The following LIFR variants were observed in gnomAD, a reference collection of about 807,000 sequenced individuals.
LIFR encodes the protein leukemia inhibitory factor receptor.
In LIFR, 84 loss-of-function variants were observed where a neutral mutation model predicts 122.2. The ratio of observed to expected loss-of-function variants is 0.69; its 90% CI spans 0.58 to 0.82. The LOEUF is 0.82. Ranked by LOEUF, LIFR falls within the 40% of genes least tolerant of loss-of-function variation. The pLI, the probability that LIFR is intolerant of heterozygous loss-of-function variation, is 0.00. For missense variants in LIFR, 1,294 were observed against 1,311.6 expected (o/e 0.99, Z 0.21); for synonymous variants, 422 against 434.7 (o/e 0.97, Z 0.36).
rs917826716 is a variant in LIFR at position 38,479,134 on chromosome 5, G to A, written c.*2461C>T. 2 of 194,962 alleles carry A rather than the reference G, an allele frequency of 1.0e-5. No individual in the cohort carries two copies. The highest frequency in any genetic ancestry group is 7.0e-5 in the Admixed American group (1 of 14,368). The allele number at this position is 194,962 out of a possible 1,614,324, so 12.1% of individuals were successfully genotyped here. ...TCTCCCTACACACACAGGTTGGGGGGAGTAGAGGTAATATCCTGGGATCTA... is the reference window on the plus strand; with the variant it reads ...TCTCCCTACACACACAGGTTGGGGGAAGTAGAGGTAATATCCTGGGATCTA... On this transcript the variant is annotated 3_prime_UTR_variant, in exon 20 of 20. Coordinates refer to ENST00000453190, the MANE Select transcript of LIFR (RefSeq NM_001127671.2).
intron 1 of LIFR, among the ~76,000 whole-genome samples, chr5:38,540,366 G>A (rs1409658233): frequency 6.6e-6 from 1 of 152,128 alleles, no homozygotes; most frequent in African/African-American, 2.4e-5. Context: ...CTGTTGCTGG[G>A]GGAAACACCA....
Position 38,529,299 on chromosome 5 carries a change from A to G in LIFR, c.143-459T>C, listed in dbSNP as rs142371031. Among the ~76,000 whole-genome samples the G allele has an allele frequency of 5.3e-5, 8 of 152,284 alleles. No individual in the cohort carries two copies. In the East Asian group the frequency reaches 7.7e-4, roughly 15 times the overall value. ...AAAAAACAAAAACAAAGAAGTCTTA[A>G]GTAAAAATGATGTGCCTTCCAAGTT... On this transcript the variant is annotated intron_variant, in intron 2 of 19. Transcript: ENST00000453190.
intron 9 of LIFR, among the ~76,000 whole-genome samples, chr5:38,505,442 ACAC>A (rs1341215559): frequency 3.2e-4 from 46 of 143,510 alleles, no homozygotes; most frequent in South Asian, 2.2e-4. Context: ...ACACACACAC[ACAC>A]GAGTACAAAT....
rs1743788885 is a variant in LIFR, at chr5:38,477,678, G to C, written c.*3917C>G. ...TTCCGAAGTAGATTTGAATCTTTGAGTCAATAGTCTCAGATCCACACAAGC... is the reference window on the plus strand; with the variant it reads ...TTCCGAAGTAGATTTGAATCTTTGACTCAATAGTCTCAGATCCACACAAGC... On this transcript the variant is annotated 3_prime_UTR_variant, in exon 20 of 20. Coordinates refer to ENST00000453190, the MANE Select transcript of LIFR (RefSeq NM_001127671.2). The C allele has an allele frequency of 4.6e-6, 1 of 216,856 alleles. No individual in the cohort carries two copies. The allele number at this position is 216,856 out of a possible 1,614,324, so 13.4% of individuals were successfully genotyped here.
At chr5:38,527,634 A>G (rs2112560799) in intron 3 of LIFR, among the ~76,000 whole-genome samples, 1 of 152,250 alleles carries the variant, frequency 6.6e-6, no homozygotes, top group South Asian at 2.1e-4. Flanking sequence ...GGACCAGTGC[A>G]TCACAGCGCT....
intron 1 of LIFR, among the ~76,000 whole-genome samples, chr5:38,572,284 G>T (rs1749239577): frequency 6.6e-6 from 1 of 152,192 alleles, no homozygotes; most frequent in Admixed American, 6.5e-5. Flanking sequence ...GTCTTACATG[G>T]CAGGAGCAGG....
In LIFR at chr5:38,478,672, G is replaced by C. The variant is rs1743835513; in HGVS notation, c.*2923C>G. 5.0e-6 allele frequency: 1 copy of C among 201,100 alleles called. No homozygotes were observed. Among genetic ancestry groups the C allele is most frequent in the South Asian group, 1.9e-4 (1 of 5,234 alleles). 12.5% of individuals were successfully genotyped at this position (201,100 alleles called of 1,614,324 possible). A position where few individuals can be genotyped will look rare whatever the true frequency, so the allele number is the denominator to read the frequency against. ...ATGTAGTCATAATAAGCCCCATAAT[G>C]ATCTCCATTCCTCGCAAGGGAAGCT... On this transcript the variant is annotated 3_prime_UTR_variant, in exon 20 of 20. Transcript: ENST00000453190.
At chr5:38,511,618 C>T (rs1267463200) in intron 6 of LIFR, among the ~76,000 whole-genome samples, 172 bp downstream of exon 6, 1 of 152,128 alleles carries the variant, frequency 6.6e-6, no homozygotes, top group Non-Finnish European at 1.5e-5. Context: ...TTCCTGAAGC[C>T]TATCTCAGAC....
intron 1 of LIFR, among the ~76,000 whole-genome samples, chr5:38,578,851 G>A (rs999837383): frequency 5.3e-5 from 8 of 152,090 alleles, no homozygotes; most frequent in Admixed American, 2.0e-4. Flanking sequence ...GCCACCACGC[G>A]CAGCCTAGAC....
At chr5:38,560,444 G>C (rs1748792621), upstream of LIFR, among the ~76,000 whole-genome samples, 1 of 152,036 alleles carries the variant, frequency 6.6e-6, no homozygotes, top group Non-Finnish European at 1.5e-5. Flanking sequence ...ATATGACAAA[G>C]ACCATCAAAA....
At chr5:38,502,334 T>C (rs1745224965) in intron 11 of LIFR, among the ~76,000 whole-genome samples, 1 of 152,072 alleles carries the variant, frequency 6.6e-6, no homozygotes, top group South Asian at 2.1e-4. Flanking sequence ...CTTGGCTCAC[T>C]GCAACCTCCG....
chr5:38,599,358 G>A (rs889665172), upstream of LIFR, among the ~76,000 whole-genome samples: 1 of 152,164 alleles, frequency 6.6e-6, no homozygotes, highest in African/African-American at 2.4e-5. Context: ...TACTGAAAGG[G>A]TCACTGGCTC....
At chr5:38,521,819 G>T (rs972350078) in intron 5 of LIFR, among the ~76,000 whole-genome samples, 6 of 152,168 alleles carry the variant, frequency 3.9e-5, no homozygotes, top group Non-Finnish European at 8.8e-5. Context: ...AGCTGTGGTG[G>T]TAGCAGCAGG....
At chr5:38,482,511 C>A (rs939154322) in intron 19 of LIFR, 78 bp downstream of exon 19, 1 of 776,154 alleles carries the variant, frequency 1.3e-6, no homozygotes, top group Non-Finnish European at 2.1e-6. Flanking sequence ...ATGACATTTG[C>A]ATGTTAAAAA....
intron 1 of LIFR, among the ~76,000 whole-genome samples, chr5:38,554,166 G>GT (rs1748390964): frequency 1.3e-5 from 2 of 152,172 alleles, no homozygotes; most frequent in Admixed American, 1.3e-4. Flanking sequence ...TTTAAAATGT[G>GT]TATCTGTTCC....
upstream of LIFR, among the ~76,000 whole-genome samples, chr5:38,600,131 A>G (rs536529151): frequency 6.6e-6 from 1 of 152,320 alleles, no homozygotes; most frequent in South Asian, 2.1e-4. Flanking sequence ...CCAATTGCCA[A>G]TCAGAAAATC....
chr5:38,522,029 T>A (rs150792890), intron 5 of LIFR, among the ~76,000 whole-genome samples: 7 of 152,316 alleles, frequency 4.6e-5, no homozygotes, highest in African/African-American at 1.7e-4. Context: ...GTGTTCCCCA[T>A]GCTCCCTCCA....
intron 1 of LIFR, among the ~76,000 whole-genome samples, chr5:38,578,836 C>T: frequency 6.6e-6 from 1 of 152,156 alleles, no homozygotes; most frequent in South Asian, 2.1e-4. Context: ...GGATTACAGG[C>T]GTGAGCCACC....
rs1743716176 is a variant in LIFR, at chr5:38,476,250, CTA to C, written c.*5343_*5344del. 1 of 207,726 alleles carries C rather than the reference CTA, an allele frequency of 4.8e-6. No individual in the cohort carries two copies. The highest frequency in any genetic ancestry group is 9.8e-6 in the Non-Finnish European group (1 of 102,056). The allele number at this position is 207,726 out of a possible 1,614,324, so 12.9% of individuals were successfully genotyped here. The stretch of plus-strand genomic sequence containing the variant: ...TTTTCTATGAGCAATTGCAAAAACA[CTA>C]ATACTAATGTTAAACCTAACAGTTA... On this transcript the variant is annotated 3_prime_UTR_variant, in exon 20 of 20. Transcript: ENST00000453190.
Sources: allele counts gnomAD v4.1 joint callset (sites outside exome capture counted in the v4.1 genomes callset), GRCh38; gene constraint gnomAD v4.1.1; transcripts MANE v1.5; gene names NCBI Gene and HGNC (gene_info 2026-07-23, HGNC 2026-07-21).